The following NCK2 variants were observed in gnomAD, a reference collection of about 807,000 sequenced individuals.
NCK2 encodes the protein cytoplasmic protein NCK2.
A neutral mutation model predicts 33.9 loss-of-function variants in NCK2; 16 were observed. The observed-to-expected ratio is 0.47, with a 90% CI of 0.32 to 0.72. NCK2 has a LOEUF of 0.72. Ranked by LOEUF, NCK2 falls within the 30% of genes least tolerant of loss-of-function variation. NCK2 has a pLI of 0.03. For missense variants in NCK2, 418 were observed against 537.3 expected (o/e 0.78, Z 2.19); for synonymous variants, 273 against 239.9 (o/e 1.14, Z -1.27).
At chr2:105,747,175 G>C (rs1275696891) in intron 1 of NCK2, among the ~76,000 whole-genome samples, 1 of 152,094 alleles carries the variant, frequency 6.6e-6, no homozygotes, top group East Asian at 1.9e-4. Flanking sequence ...CTTCATCCTT[G>C]CTCTGTTTGA....
intron 3 of NCK2, among the ~76,000 whole-genome samples, chr2:105,869,267 G>C (rs1200608839): frequency 6.6e-6 from 1 of 152,152 alleles, no homozygotes; most frequent in African/African-American, 2.4e-5. Context: ...TCCTGCATGT[G>C]TCCCTAGCCA....
chr2:105,804,431 C>T (rs1392075249), intron 1 of NCK2, among the ~76,000 whole-genome samples: 1 of 152,142 alleles, frequency 6.6e-6, no homozygotes, highest in Admixed American at 6.6e-5. Context: ...ATGCTCTTGT[C>T]TGGTTTTGGC....
At chr2:105,793,959 G>A (rs1291188839) in intron 1 of NCK2, among the ~76,000 whole-genome samples, 1 of 151,570 alleles carries the variant, frequency 6.6e-6, no homozygotes, top group Non-Finnish European at 1.5e-5. Context: ...TTTCTTTGGT[G>A]TGGTTTGTTT....
intron 3 of NCK2, chr2:105,855,622 A>T (rs1057171572): frequency 1.4e-5 from 3 of 221,550 alleles, no homozygotes; most frequent in Admixed American, 1.0e-4. Context: ...CAGTGTCGTG[A>T]CATGAAGTTC....
intron 3 of NCK2, among the ~76,000 whole-genome samples, chr2:105,867,861 A>G (rs1043172758): frequency 3.3e-5 from 5 of 152,236 alleles, no homozygotes; most frequent in African/African-American, 1.2e-4. Flanking sequence ...TCTTAAGTTT[A>G]CGAATAAAGA....
chr2:105,789,620 A>G (rs916776981), intron 1 of NCK2, among the ~76,000 whole-genome samples: 6 of 152,360 alleles, frequency 3.9e-5, no homozygotes, highest in South Asian at 2.1e-4. Context: ...AAATCCTTAT[A>G]GGAGCAATAA....
At chr2:105,791,114 AGCCCCTGC>A (rs1044071564) in intron 1 of NCK2, among the ~76,000 whole-genome samples, 1 of 152,134 alleles carries the variant, frequency 6.6e-6, no homozygotes, top group African/African-American at 2.4e-5. Context: ...GCCACTTGGA[AGCCCCTGC>A]GGCCCTGGGC....
chr2:105,749,349 C>G (rs1045689326), intron 1 of NCK2, among the ~76,000 whole-genome samples: 1 of 152,168 alleles, frequency 6.6e-6, no homozygotes, highest in Admixed American at 6.5e-5. Flanking sequence ...GGGGTGCTTA[C>G]GTTGCCAAAT....
intron 1 of NCK2, among the ~76,000 whole-genome samples, chr2:105,755,734 G>C (rs1179755333): frequency 6.6e-6 from 1 of 151,170 alleles, no homozygotes; most frequent in African/African-American, 2.5e-5. Flanking sequence ...TTCTCAGCTG[G>C]GGCAGTTTTG....
At chr2:105,782,014 C>T (rs1172801441) in intron 1 of NCK2, among the ~76,000 whole-genome samples, 1 of 152,222 alleles carries the variant, frequency 6.6e-6, no homozygotes, top group Non-Finnish European at 1.5e-5. Context: ...AAACCTGCGG[C>T]CCATCAGGTC....
intron 2 of NCK2, among the ~76,000 whole-genome samples, chr2:105,852,941 T>C (rs561041779): frequency 2.0e-5 from 3 of 152,206 alleles, no homozygotes; most frequent in Non-Finnish European, 2.9e-5. Flanking sequence ...TCCCAAAAGG[T>C]TTGTTATCTT....
chr2:105,823,591 A>G (rs1675830482), intron 2 of NCK2, among the ~76,000 whole-genome samples: 1 of 151,996 alleles, frequency 6.6e-6, no homozygotes, highest in African/African-American at 2.4e-5. Context: ...TTTATGGGGA[A>G]TGAATTCTGG....
At position 105,881,399 on chromosome 2, in the gene NCK2, C is replaced by T. The variant is rs1678474827; in HGVS notation, c.298C>T (p.Pro100Ser). ...CACGCCCAGCACGGACGCCGAGTAC[C>T]CCGCCAATGGCAGCGGCGCCGACCG... ...SPTPSTDAEY[P>S]ANGSGADRIY... is the part of the protein sequence containing the mutation. The change falls in exon 4 of 5, where the codon CCC becomes TCC. Residue 100 changes from proline (P) to serine (S), a missense_variant. Pro to Ser is a moderately conservative substitution (Grantham distance 74). Transcript: ENST00000233154. 6.2e-7 allele frequency: 1 copy of T among 1,612,192 alleles called. No individual in the cohort carries two copies. The highest frequency in any genetic ancestry group is 1.1e-5 in the South Asian group (1 of 91,080).
At chr2:105,834,244 C>T (rs1676305933) in intron 2 of NCK2, among the ~76,000 whole-genome samples, 1 of 152,054 alleles carries the variant, frequency 6.6e-6, no homozygotes, top group Non-Finnish European at 1.5e-5. Flanking sequence ...GGTGTTGAAG[C>T]CCCCAACTGT....
intron 1 of NCK2, among the ~76,000 whole-genome samples, chr2:105,802,771 C>G (rs1408857726): frequency 6.6e-6 from 1 of 152,210 alleles, no homozygotes; most frequent in South Asian, 2.1e-4. Context: ...GTCAGATATT[C>G]AAACGGTAGC....
chr2:105,768,607 TC>T (rs1690024096), intron 1 of NCK2, among the ~76,000 whole-genome samples: 1 of 152,226 alleles, frequency 6.6e-6, no homozygotes, highest in African/African-American at 2.4e-5. Context: ...CAACCCGCGG[TC>T]CAGGATGGCT....
At chr2:105,751,223 C>T (rs944792638) in intron 1 of NCK2, among the ~76,000 whole-genome samples, 6 of 152,188 alleles carry the variant, frequency 3.9e-5, no homozygotes, top group African/African-American at 1.2e-4. Flanking sequence ...TCCCCATCAC[C>T]GACTCACTCG....
intron 1 of NCK2, among the ~76,000 whole-genome samples, chr2:105,809,950 G>A (rs1269447852): frequency 6.6e-6 from 1 of 152,174 alleles, no homozygotes; most frequent in African/African-American, 2.4e-5. Context: ...AAGGGAGCGA[G>A]CGGGACTCTG....
At chr2:105,861,029 TG>T (rs1677508861) in intron 3 of NCK2, among the ~76,000 whole-genome samples, 1 of 151,878 alleles carries the variant, frequency 6.6e-6, no homozygotes, top group Non-Finnish European at 1.5e-5. Context: ...TCAAACCTGG[TG>T]TGGAAACCCT....
Sources: gnomAD v4.1 joint callset for allele counts (sites outside exome capture counted in the v4.1 genomes callset) on GRCh38, gnomAD v4.1.1 for gene constraint, MANE v1.5 for transcripts, NCBI Gene and HGNC (gene_info 2026-07-23, HGNC 2026-07-21) for gene names.